LRRFIP1: variants seen among roughly 807,000 people sequenced by gnomAD.
LRRFIP1 encodes the protein LRR binding FLII interacting protein 1.
A neutral mutation model predicts 104.4 loss-of-function variants in LRRFIP1; 62 were observed. The observed-to-expected ratio is 0.59, with a 90% CI of 0.48 to 0.73. The LOEUF is 0.73. Among genes scored for constraint, LRRFIP1 ranks in the 30% least tolerant of loss-of-function variants. The pLI is 0.00. For synonymous variants in LRRFIP1, 300 were observed against 299.0 expected (o/e 1.00, Z -0.03); for missense variants, 796 against 824.5 (o/e 0.97, Z 0.42).
chr2:237,763,528 T>A (rs1269689246), intron 19 of LRRFIP1: 1 of 1,613,438 alleles, frequency 6.2e-7, no homozygotes, highest in Non-Finnish European at 8.5e-7. Context: ...TAAGTGAAAT[T>A]AAGGAAGAAG....
At chr2:237,680,845 G>A (rs929192541) in intron 1 of LRRFIP1, among the ~76,000 whole-genome samples, 3 of 152,134 alleles carry the variant, frequency 2.0e-5, no homozygotes, top group East Asian at 1.9e-4. Flanking sequence ...GCCAGGCAAG[G>A]TGGCACAGGC....
chr2:237,630,570 G>A (rs1436214886), intron 1 of LRRFIP1, among the ~76,000 whole-genome samples: 1 of 152,258 alleles, frequency 6.6e-6, no homozygotes, highest in African/African-American at 2.4e-5. Flanking sequence ...CCGGCCAGTG[G>A]TCTCAGAAGT....
chr2:237,742,241 TCTC>T (rs539100599), intron 11 of LRRFIP1, among the ~76,000 whole-genome samples: 21 of 152,348 alleles, frequency 1.4e-4, no homozygotes, highest in Non-Finnish European at 2.6e-4. Flanking sequence ...GGGTGGGTGA[TCTC>T]CTTGTATCTG....
At chr2:237,705,973 C>T (rs1184146188) in intron 1 of LRRFIP1, among the ~76,000 whole-genome samples, 1 of 152,248 alleles carries the variant, frequency 6.6e-6, no homozygotes, top group Non-Finnish European at 1.5e-5. Flanking sequence ...CTGATTAGGG[C>T]AGGCCCATAG....
intron 1 of LRRFIP1, among the ~76,000 whole-genome samples, chr2:237,651,545 T>G (rs2085938334): frequency 6.6e-6 from 1 of 152,204 alleles, no homozygotes; most frequent in Admixed American, 6.5e-5. Context: ...CATGTTGCTG[T>G]GGAAACCAAG....
chr2:237,773,214 A>G (rs1576437444), intron 22 of LRRFIP1, among the ~76,000 whole-genome samples: 1 of 152,170 alleles, frequency 6.6e-6, no homozygotes, highest in Admixed American at 6.5e-5. Context: ...GTGGCTTGGG[A>G]GTGTTTTAAA....
chr2:237,674,966 G>A (rs1406682463), intron 1 of LRRFIP1, among the ~76,000 whole-genome samples: 1 of 152,264 alleles, frequency 6.6e-6, no homozygotes, highest in African/African-American at 2.4e-5. Flanking sequence ...CCCCCAGAGA[G>A]AGCCTGGGCA....
intron 8 of LRRFIP1, among the ~76,000 whole-genome samples, chr2:237,731,253 G>A (rs921722707): frequency 2.0e-5 from 3 of 152,070 alleles, no homozygotes; most frequent in South Asian, 2.1e-4. Context: ...ACCCTTCCCC[G>A]CCCTGTCCCC....
chr2:237,727,849 G>A (rs1261018108), intron 7 of LRRFIP1, 27 bp from the exon 8 acceptor site: 2 of 1,577,760 alleles, frequency 1.3e-6, no homozygotes, highest in African/African-American at 2.7e-5. Context: ...ACTGATGTCA[G>A]TTTTTCTCTT....
chr2:237,662,835 T>C (rs965604776), intron 1 of LRRFIP1, among the ~76,000 whole-genome samples: 1 of 152,092 alleles, frequency 6.6e-6, no homozygotes, highest in African/African-American at 2.4e-5. Context: ...CAGTCTTCAA[T>C]CAGACACGCC....
intron 1 of LRRFIP1, among the ~76,000 whole-genome samples, chr2:237,675,034 G>A (rs773301969): frequency 6.6e-6 from 1 of 152,228 alleles, no homozygotes; most frequent in Non-Finnish European, 1.5e-5. Flanking sequence ...TTCTGTGAGC[G>A]TCACCCCAGC....
intron 1 of LRRFIP1, among the ~76,000 whole-genome samples, chr2:237,702,681 G>C (rs970968066): frequency 6.6e-5 from 10 of 152,190 alleles, no homozygotes; most frequent in African/African-American, 2.4e-4. Context: ...TTAAATTTTT[G>C]CTCTTTGTTA....
chr2:237,670,869 G>A (rs954921269), intron 1 of LRRFIP1, among the ~76,000 whole-genome samples: 4 of 152,218 alleles, frequency 2.6e-5, no homozygotes, highest in South Asian at 2.1e-4. Flanking sequence ...TTTTCCGAAC[G>A]TCTGGAACAT....
At chr2:237,779,150 C>A (rs182479624) in intron 23 of LRRFIP1, among the ~76,000 whole-genome samples, 3 of 151,856 alleles carry the variant, frequency 2.0e-5, no homozygotes, top group Non-Finnish European at 2.9e-5. Context: ...TGAGGCGGAG[C>A]TTGCAGTGAG....
intron 1 of LRRFIP1, chr2:237,692,543 A>C: frequency 1.3e-6 from 2 of 1,500,610 alleles, no homozygotes; most frequent in Non-Finnish European, 1.8e-6. Context: ...GCGCTTCCGA[A>C]ACTTTCTTTC....
chr2:237,765,136 G>A (rs551899386), intron 19 of LRRFIP1: 4 of 220,246 alleles, frequency 1.8e-5, no homozygotes, highest in South Asian at 1.6e-4. Flanking sequence ...GATGGTGGGC[G>A]CCTGTAATCC....
intron 1 of LRRFIP1, among the ~76,000 whole-genome samples, chr2:237,664,026 G>A (rs1483449879): frequency 6.6e-6 from 1 of 152,104 alleles, no homozygotes; most frequent in Non-Finnish European, 1.5e-5. Context: ...GGCACTGGGA[G>A]GGAGGAGCAG....
rs751102442 is a variant in LRRFIP1, at chr2:237,733,776, C to T, written c.447C>T (p.Pro149=). The change falls in exon 9 of 24, where the codon CCC becomes CCT. Residue 149 remains proline (P), a splice_region_variant and synonymous_variant. Coordinates refer to ENST00000308482, the MANE Select transcript of LRRFIP1 (RefSeq NM_001137550.2). ...TGCCATTTGCTTTCATCCTCCAGCC[C>T]TCCTGTCTGTACAGCGCTGCCCGGC... ...SQSLNRRSGR[P]SCLYSAARPS... 6 of 1,614,024 alleles carry T rather than the reference C, an allele frequency of 3.7e-6. No individual in the cohort carries two copies. In the East Asian group the frequency reaches 1.3e-4, roughly 36 times the overall value.
At chr2:237,746,932 C>G (rs1283664513) in intron 11 of LRRFIP1, among the ~76,000 whole-genome samples, 2 of 152,222 alleles carry the variant, frequency 1.3e-5, no homozygotes, top group African/African-American at 4.8e-5. Flanking sequence ...CCAGCCTGCC[C>G]CTGACTGCAT....
Sources: gnomAD v4.1 joint callset for allele counts (sites outside exome capture counted in the v4.1 genomes callset) on GRCh38, gnomAD v4.1.1 for gene constraint, MANE v1.5 for transcripts, NCBI Gene and HGNC (gene_info 2026-07-23, HGNC 2026-07-21) for gene names.